PTPRN2: variants seen among roughly 807,000 people sequenced by gnomAD.
PTPRN2 encodes receptor-type tyrosine-protein phosphatase N2.
A neutral mutation model predicts 118.8 loss-of-function variants in PTPRN2; 74 were observed. The ratio of observed to expected loss-of-function variants is 0.62; its 90% CI spans 0.52 to 0.76. PTPRN2 has a LOEUF of 0.76. Ranked by LOEUF, PTPRN2 falls within the 30% of genes least tolerant of loss-of-function variation. The pLI is 0.00. For missense variants in PTPRN2, 1,481 were observed against 1,394.4 expected, an observed-to-expected ratio of 1.06 and a Z score of -0.99; for synonymous variants, 641 against 608.0, an observed-to-expected ratio of 1.05 and a Z score of -0.80.
intron 6 of PTPRN2, among the ~76,000 whole-genome samples, chr7:158,146,136 T>A (rs1360155880): frequency 1.3e-5 from 2 of 152,160 alleles, no homozygotes; most frequent in Non-Finnish European, 2.9e-5. Context: ...CTCATTGTGA[T>A]CCTCAGGTGA....
intron 11 of PTPRN2, among the ~76,000 whole-genome samples, chr7:158,033,696 T>G (rs930622920): frequency 3.4e-4 from 50 of 146,902 alleles, no homozygotes; most frequent in African/African-American, 1.2e-3. Flanking sequence ...GCATCCCTGG[T>G]CAGCAATGCT....
Position 158,316,357 on chromosome 7 carries a change from G to A in PTPRN2, c.277+462C>T, listed in dbSNP as rs73746482. 2.7e-3 allele frequency among the ~76,000 whole-genome samples: 408 copies of A among 152,204 alleles called. 3 individuals carry two copies. Among genetic ancestry groups the A allele is most frequent in the African/African-American group, 9.3e-3 (385 of 41,518 alleles). On this transcript the variant is annotated intron_variant, in intron 3 of 22. Transcript: ENST00000389418. ...GGGCCGGTGCTGTGGGAATTCCCTG[G>A]TCCTACCATGTTGCCATATATAATT...
Position 157,970,573 on chromosome 7 carries a change from G to A in PTPRN2, c.1724-71836C>T, listed in dbSNP as rs577676939. Among the ~76,000 whole-genome samples, 64 of 152,178 alleles carry A rather than the reference G, an allele frequency of 4.2e-4. No homozygotes were observed. In the South Asian group the frequency reaches 0.013, roughly 32 times the overall value. On this transcript the variant is annotated intron_variant, in intron 11 of 22. Transcript: ENST00000389418. ...CCAGATGCAGCTGCGCAGATGGCAG[G>A]GGCATGTTTCCTCCTCTCACTGTAA...
intron 11 of PTPRN2, among the ~76,000 whole-genome samples, chr7:158,027,144 A>T (rs1021846672): frequency 2.6e-5 from 4 of 152,178 alleles, no homozygotes; most frequent in Admixed American, 2.6e-4. Flanking sequence ...CCCTGTGGAA[A>T]GTGCCCAGCC....
Position 157,929,786 on chromosome 7 carries a change from G to T in PTPRN2, c.1724-31049C>A. Among the ~76,000 whole-genome samples, 1 of 152,184 alleles carries T rather than the reference G, an allele frequency of 6.6e-6. No homozygotes were observed. Among genetic ancestry groups the T allele is most frequent in the East Asian group, 1.9e-4 (1 of 5,184 alleles). The stretch of plus-strand genomic sequence containing the variant: ...GTGCCAGAAGGGAGTCTTTCCAAGT[G>T]CCCTGTAATGCAGAACCTTTCCCAG... On this transcript the variant is annotated intron_variant, in intron 11 of 22. Coordinates refer to ENST00000389418, the MANE Select transcript of PTPRN2 (RefSeq NM_002847.5). This position sits in a 1 kb window ranked among gnomAD's most constrained non-coding sequence, Gnocchi z 4.4.
chr7:158,356,387 G>A (rs1420368897), intron 2 of PTPRN2, among the ~76,000 whole-genome samples: 1 of 152,182 alleles, frequency 6.6e-6, no homozygotes, highest in Non-Finnish European at 1.5e-5. Context: ...GAACTCTGTT[G>A]ACCTTGTGGG....
intron 16 of PTPRN2, among the ~76,000 whole-genome samples, chr7:157,599,852 C>A (rs138768436): frequency 2.6e-5 from 4 of 151,984 alleles, no homozygotes; most frequent in African/African-American, 9.7e-5. Context: ...CACCTCTCCA[C>A]CTGCCCACCT....
chr7:158,091,346 T>A (rs1814107619), intron 10 of PTPRN2, among the ~76,000 whole-genome samples: 2 of 152,254 alleles, frequency 1.3e-5, no homozygotes, highest in Admixed American at 6.5e-5. Flanking sequence ...GTTTTAAAGT[T>A]AATCATTTAA....
At chr7:157,656,311 A>C in intron 14 of PTPRN2, 46 bp downstream of exon 14, 3 of 1,494,800 alleles carry the variant, frequency 2.0e-6, no homozygotes, top group Non-Finnish European at 2.7e-6. Flanking sequence ...CCGAGGAAGG[A>C]GGGCCCTGGT....
At chr7:157,646,132 C>T (rs996725075) in intron 14 of PTPRN2, among the ~76,000 whole-genome samples, 6 of 152,176 alleles carry the variant, frequency 3.9e-5, no homozygotes, top group Admixed American at 6.5e-5. Flanking sequence ...ACACAGTAGG[C>T]GCTGCCTCCG....
At position 157,585,275 on chromosome 7, in the gene PTPRN2, G is replaced by A. The variant is rs766889986; in HGVS notation, c.2497-7135C>T. On this transcript the variant is annotated intron_variant, in intron 17 of 22. Transcript: ENST00000389418. The surrounding 1 kb of genome is among the most constrained non-coding windows in gnomAD (Gnocchi z 5.2). ...GGACTTTTCCACCAGCAGTATTGCC[G>A]CCCAGGAGGAAGGGGAAGCCTCAGA... 1.3e-5 allele frequency among the ~76,000 whole-genome samples: 2 copies of A among 152,124 alleles called. No homozygotes were observed. Among genetic ancestry groups the A allele is most frequent in the Admixed American group, 6.5e-5 (1 of 15,278 alleles).
intron 2 of PTPRN2, among the ~76,000 whole-genome samples, chr7:158,419,722 A>AC (rs777843195): frequency 6.6e-6 from 1 of 152,300 alleles, no homozygotes; most frequent in Non-Finnish European, 1.5e-5. Flanking sequence ...GCCAGCATTC[A>AC]CCACTCAGGG....
intron 11 of PTPRN2, among the ~76,000 whole-genome samples, chr7:157,968,673 A>G (rs1235088214): frequency 6.6e-6 from 1 of 152,216 alleles, no homozygotes; most frequent in Non-Finnish European, 1.5e-5. Flanking sequence ...TTGCAGATGA[A>G]GAATCCAGCC....
At chr7:158,187,449 G>A (rs963083491) in intron 5 of PTPRN2, among the ~76,000 whole-genome samples, 1 of 152,148 alleles carries the variant, frequency 6.6e-6, no homozygotes, top group Non-Finnish European at 1.5e-5. Context: ...GAGGGGAGAA[G>A]CCGGGGCCCA....
chr7:158,407,375 G>C (rs1406351440), intron 2 of PTPRN2, among the ~76,000 whole-genome samples: 4 of 61,976 alleles, frequency 6.5e-5, no homozygotes, highest in African/African-American at 1.9e-4. Flanking sequence ...CTGGGTCCTG[G>C]GTCCTGGGTC....
At chr7:158,018,926 C>T (rs1301971524) in intron 11 of PTPRN2, among the ~76,000 whole-genome samples, 1 of 140,706 alleles carries the variant, frequency 7.1e-6, no homozygotes, top group African/African-American at 2.7e-5. Context: ...TGCGACTGCA[C>T]TCCAGCCTGG....
chr7:158,364,657 G>A (rs753366569), intron 2 of PTPRN2, among the ~76,000 whole-genome samples: 13 of 150,712 alleles, frequency 8.6e-5, no homozygotes, highest in African/African-American at 2.9e-4. Flanking sequence ...ATAATTCTCC[G>A]TCCCAGCCCC....
chr7:158,270,819 CCCCTCCACCT>C (rs1798334517), intron 3 of PTPRN2, among the ~76,000 whole-genome samples: 2 of 19,284 alleles, frequency 1.0e-4, no homozygotes, highest in African/African-American at 4.3e-4. Context: ...CCTGGACCGC[CCCCTCCACCT>C]GGATGACCCC....
chr7:158,419,370 GTCACTGCAAGAATTCCT>G (rs1384096740), intron 2 of PTPRN2, among the ~76,000 whole-genome samples: 3 of 18,126 alleles, frequency 1.7e-4, no homozygotes. Context: ...CAAGAATTCC[GTCACTGCAAGAATTCCT>G]TCACTGCAAG....
Sources: allele counts gnomAD v4.1 joint callset (sites outside exome capture counted in the v4.1 genomes callset), GRCh38; gene constraint gnomAD v4.1.1; non-coding constraint Gnocchi (gnomAD v3.1); transcripts MANE v1.5; gene names NCBI Gene and HGNC (gene_info 2026-07-23, HGNC 2026-07-21).